NDUFA8: variants seen among roughly 807,000 people sequenced by gnomAD.
NDUFA8 encodes NADH:ubiquinone oxidoreductase subunit A8, also known as NADH dehydrogenase [ubiquinone] 1 alpha subcomplex subunit 8.
A neutral mutation model predicts 20.9 loss-of-function variants in NDUFA8; 16 were observed. The ratio of observed to expected loss-of-function variants is 0.77; its 90% CI spans 0.52 to 1.16. The LOEUF is 1.16. Among genes scored for constraint, NDUFA8 ranks in the 50% most tolerant of loss-of-function variants. The pLI, the probability that NDUFA8 is intolerant of heterozygous loss-of-function variation, is 0.00. For missense variants in NDUFA8, 202 were observed against 216.4 expected, an observed-to-expected ratio of 0.93 and a Z score of 0.42; for synonymous variants, 70 against 76.1, an observed-to-expected ratio of 0.92 and a Z score of 0.41.
At chr9:122,151,451 A>G (rs1232150729) in intron 2 of NDUFA8, among the ~76,000 whole-genome samples, 2 of 152,236 alleles carry the variant, frequency 1.3e-5, no homozygotes, top group African/African-American at 4.8e-5. Flanking sequence ...ACTTCTGGAT[A>G]AAGGGCACAC....
intron 1 of NDUFA8, among the ~76,000 whole-genome samples, chr9:122,157,161 C>T (rs1396355143): frequency 3.9e-5 from 6 of 152,188 alleles, no homozygotes; most frequent in Non-Finnish European, 8.8e-5. Flanking sequence ...TCCTTTTTGA[C>T]TCTCTGCATT....
chr9:122,159,559 G>A (rs983252382), intron 1 of NDUFA8, 68 bp downstream of exon 1: 5 of 1,592,066 alleles, frequency 3.1e-6, no homozygotes, highest in Non-Finnish European at 4.3e-6. Flanking sequence ...GAGCCCAAGG[G>A]GGGCTAGGCC....
chr9:122,139,190 G>C (rs1475969726), downstream of NDUFA8, among the ~76,000 whole-genome samples: 1 of 152,204 alleles, frequency 6.6e-6, no homozygotes, highest in Non-Finnish European at 1.5e-5. Context: ...GCCCTGCCCT[G>C]CCTTGGGGTT....
At chr9:122,139,691 C>T (rs1004671536), downstream of NDUFA8, among the ~76,000 whole-genome samples, 1 of 152,062 alleles carries the variant, frequency 6.6e-6, no homozygotes, top group Non-Finnish European at 1.5e-5. Flanking sequence ...CACACCACAC[C>T]AATTTTTATT....
At chr9:122,145,118 T>C (rs1021880949) in intron 3 of NDUFA8, among the ~76,000 whole-genome samples, 1 of 152,170 alleles carries the variant, frequency 6.6e-6, no homozygotes, top group African/African-American at 2.4e-5. Flanking sequence ...CACACTACAG[T>C]GGTGGACAGG....
chr9:122,155,616 A>G (rs769221219), intron 1 of NDUFA8, among the ~76,000 whole-genome samples: 1 of 152,240 alleles, frequency 6.6e-6, no homozygotes, highest in African/African-American at 2.4e-5. Context: ...AAGTTTTTGA[A>G]AATAAAAGAA....
chr9:122,157,283 T>C (rs569080173), intron 1 of NDUFA8, among the ~76,000 whole-genome samples: 1 of 152,344 alleles, frequency 6.6e-6, no homozygotes, highest in South Asian at 2.1e-4. Flanking sequence ...TCTTACATTA[T>C]GTCCAAAAAG....
chr9:122,159,685 G>A lies in NDUFA8; in HGVS notation c.-8C>T. The A allele has an allele frequency of 6.2e-7, 1 of 1,614,110 alleles. No individual in the cohort carries two copies. The highest frequency in any genetic ancestry group is 2.2e-5 in the East Asian group (1 of 44,876). On this transcript the variant is annotated 5_prime_UTR_variant, in exon 1 of 4. Coordinates refer to ENST00000373768, the MANE Select transcript of NDUFA8 (RefSeq NM_014222.3). ...CTCCACTATCCCCGGCATGACGGCT[G>A]CAGCCCCGACCCCGACGAGAAGCCC...
the NDUFA8 span, among the ~76,000 whole-genome samples, chr9:122,139,051 T>C: frequency 1.3e-5 from 2 of 152,144 alleles, no homozygotes; most frequent in African/African-American, 4.8e-5. Context: ...GAGACACCTA[T>C]GGCAGGAAAC....
At chr9:122,153,276 A>AT (rs1391911693) in intron 1 of NDUFA8, among the ~76,000 whole-genome samples, 15 of 151,490 alleles carry the variant, frequency 9.9e-5, no homozygotes, top group Non-Finnish European at 2.2e-4. Context: ...CAAAAAAAAA[A>AT]AAAATTAAAT....
rs2118693942 is a variant in NDUFA8 at position 122,144,211 on chromosome 9, C to T, written c.*30G>A. ...GTTTTCATCAGTCGTTGTCTGAGCACATGACCGAGTGTGGGCCACGGACCC... is the reference window on the plus strand; with the variant it reads ...GTTTTCATCAGTCGTTGTCTGAGCATATGACCGAGTGTGGGCCACGGACCC... On this transcript the variant is annotated 3_prime_UTR_variant, in exon 4 of 4. Transcript: ENST00000373768. 1 of 1,612,976 alleles carries T rather than the reference C, an allele frequency of 6.2e-7. No individual in the cohort carries two copies. Among genetic ancestry groups the T allele is most frequent in the Non-Finnish European group, 8.5e-7 (1 of 1,179,986 alleles).
At chr9:122,145,628 G>A (rs1283393952) in intron 3 of NDUFA8, among the ~76,000 whole-genome samples, 1 of 152,172 alleles carries the variant, frequency 6.6e-6, no homozygotes. Context: ...ACCACCTTAT[G>A]AGGCATTATT....
At chr9:122,149,384 G>T (rs1183831335) in intron 2 of NDUFA8, among the ~76,000 whole-genome samples, 1 of 152,144 alleles carries the variant, frequency 6.6e-6, no homozygotes, top group East Asian at 1.9e-4. Context: ...AATCACTTTG[G>T]TAGAAAGCAA....
intron 3 of NDUFA8, among the ~76,000 whole-genome samples, chr9:122,146,074 A>G (rs1359819042): frequency 6.6e-6 from 1 of 152,184 alleles, no homozygotes; most frequent in Non-Finnish European, 1.5e-5. Flanking sequence ...TGAACCCGGA[A>G]GGCACTGGTT....
intron 2 of NDUFA8, among the ~76,000 whole-genome samples, chr9:122,150,946 T>C (rs1461345891): frequency 8.7e-6 from 1 of 114,636 alleles, no homozygotes; most frequent in Admixed American, 1.3e-4. Context: ...CACTCCAGCC[T>C]GGGCAACAGA....
chr9:122,138,655 G>T, the NDUFA8 span, among the ~76,000 whole-genome samples: 2 of 152,196 alleles, frequency 1.3e-5, no homozygotes, highest in East Asian at 3.9e-4. Context: ...ACTATGTGTC[G>T]GCTGCTGTTA....
At chr9:122,145,096 G>A (rs1011785779) in intron 3 of NDUFA8, among the ~76,000 whole-genome samples, 6 of 152,218 alleles carry the variant, frequency 3.9e-5, no homozygotes, top group Admixed American at 1.3e-4. Context: ...CAAAGCTTGT[G>A]CTTCTTAATA....
chr9:122,145,379 A>G (rs1011733440), intron 3 of NDUFA8, among the ~76,000 whole-genome samples: 1 of 152,188 alleles, frequency 6.6e-6, no homozygotes, highest in African/African-American at 2.4e-5. Context: ...GGTCACAAAA[A>G]TCTCAACTGG....
At chr9:122,155,085 A>T (rs1362804881) in intron 1 of NDUFA8, among the ~76,000 whole-genome samples, 1 of 152,050 alleles carries the variant, frequency 6.6e-6, no homozygotes, top group African/African-American at 2.4e-5. Context: ...TTATTTTATT[A>T]TTATTATTTT....
Sources: gnomAD v4.1 joint callset for allele counts (sites outside exome capture counted in the v4.1 genomes callset) on GRCh38, gnomAD v4.1.1 for gene constraint, MANE v1.5 for transcripts, NCBI Gene and HGNC (gene_info 2026-07-23, HGNC 2026-07-21) for gene names.